PCDH15: variants seen among roughly 807,000 people sequenced by gnomAD.
PCDH15 encodes the protein protocadherin-15.
A neutral mutation model predicts 178.5 loss-of-function variants in PCDH15; 129 were observed. The observed-to-expected ratio is 0.72, with a 90% confidence interval of 0.63 to 0.84. PCDH15 has a LOEUF of 0.84. PCDH15 is among the 40% of genes least tolerant of loss of function. The pLI, the probability that PCDH15 is intolerant of heterozygous loss-of-function variation, is 0.00. For synonymous variants in PCDH15, 800 were observed against 732.0 expected (o/e 1.09, Z -1.50); for missense variants, 2,230 against 2,099.9 (o/e 1.06, Z -1.21).
chr10:54,919,905 G>T (rs73264075), intron 2 of PCDH15, among the ~76,000 whole-genome samples: 10,025 of 151,976 alleles, frequency 0.066, 1,073 homozygotes, highest in African/African-American at 0.22. Context: ...AAAAAAAAAG[G>T]CTCTGTAACA....
chr10:54,871,258 T>C lies in PCDH15; in HGVS notation c.-29+26192A>G, dbSNP rs565548540. Among the ~76,000 whole-genome samples the C allele has an allele frequency of 7.2e-5, 11 of 152,282 alleles. No homozygotes were observed. In the East Asian group the frequency reaches 2.1e-3, roughly 29 times the overall value. The stretch of plus-strand genomic sequence containing the variant: ...CCTGACAATAAGGAAAAAACTGCTA[T>C]TTCTGAATACTCTGGAACTCTCAGA... On this transcript the variant is annotated intron_variant, in intron 3 of 5. Coordinates refer to the PCDH15 transcript ENST00000458638.
intron 9 of PCDH15, among the ~76,000 whole-genome samples, chr10:54,219,766 ACT>A (rs1350340771): frequency 6.6e-6 from 1 of 151,848 alleles, no homozygotes; most frequent in Non-Finnish European, 1.5e-5. Context: ...GAAAATAAAC[ACT>A]GACTGATATT....
At chr10:54,112,638 G>A (rs890882974) in intron 15 of PCDH15, among the ~76,000 whole-genome samples, 5 of 152,092 alleles carry the variant, frequency 3.3e-5, no homozygotes, top group Non-Finnish European at 7.4e-5. Flanking sequence ...TGAGGATTTG[G>A]TTTTCAGGCA....
intron 2 of PCDH15, among the ~76,000 whole-genome samples, chr10:55,450,784 T>C (rs1432274864): frequency 6.6e-6 from 1 of 152,012 alleles, no homozygotes; most frequent in Non-Finnish European, 1.5e-5. Flanking sequence ...ACATCAATGC[T>C]ATTGACACTA....
At chr10:54,619,283 T>A (rs939838866) in intron 2 of PCDH15, 1 of 152,006 alleles carries the variant, frequency 6.6e-6, no homozygotes, top group South Asian at 2.1e-4. Flanking sequence ...TTCTCTCACA[T>A]GGCAGACTGG....
intron 25 of PCDH15, among the ~76,000 whole-genome samples, chr10:53,934,219 A>G (rs149091641): frequency 3.3e-5 from 5 of 152,218 alleles, no homozygotes; most frequent in Admixed American, 6.5e-5. Flanking sequence ...GAGGGATAGA[A>G]CTTTGGGTTC....
At chr10:54,343,300 A>G (rs1942605066) in intron 6 of PCDH15, among the ~76,000 whole-genome samples, 1 of 152,060 alleles carries the variant, frequency 6.6e-6, no homozygotes, top group East Asian at 1.9e-4. Flanking sequence ...GGGCATTCTC[A>G]TGAGGTCTGA....
chr10:55,465,075 C>T (rs1162025783), intron 2 of PCDH15, among the ~76,000 whole-genome samples: 1 of 151,914 alleles, frequency 6.6e-6, no homozygotes, highest in African/African-American at 2.4e-5. Flanking sequence ...CTTGGAAACA[C>T]AGATGTAAAG....
At chr10:55,162,498 C>T (rs1172580302) in intron 2 of PCDH15, among the ~76,000 whole-genome samples, 1 of 152,194 alleles carries the variant, frequency 6.6e-6, no homozygotes, top group Non-Finnish European at 1.5e-5. Context: ...TGAAAGAGAT[C>T]TGACCTAACC....
intron 18 of PCDH15, among the ~76,000 whole-genome samples, chr10:54,062,713 A>T (rs2094055623): frequency 1.3e-5 from 2 of 152,154 alleles, no homozygotes; most frequent in Admixed American, 1.3e-4. Context: ...TTTAAGAACC[A>T]GGAGACAACA....
intron 10 of PCDH15, among the ~76,000 whole-genome samples, chr10:54,196,202 G>C (rs1161185087): frequency 6.6e-6 from 1 of 151,950 alleles, no homozygotes; most frequent in Non-Finnish European, 1.5e-5. Flanking sequence ...GAGTGCAGTG[G>C]AGTGAACTCG....
chr10:54,771,613 C>T (rs1023573184), intron 1 of PCDH15, among the ~76,000 whole-genome samples: 3 of 151,792 alleles, frequency 2.0e-5, no homozygotes, highest in Admixed American at 6.6e-5. Context: ...AGTAGTAATT[C>T]CTCAAACTCC....
At chr10:54,420,031 A>T (rs908496540) in intron 3 of PCDH15, among the ~76,000 whole-genome samples, 4 of 152,060 alleles carry the variant, frequency 2.6e-5, no homozygotes, top group Admixed American at 2.6e-4. Flanking sequence ...ATAAAATAGA[A>T]TTTCACACAG....
chr10:54,759,909 T>C (rs562038215), intron 1 of PCDH15, among the ~76,000 whole-genome samples: 1 of 152,274 alleles, frequency 6.6e-6, no homozygotes, highest in African/African-American at 2.4e-5. Flanking sequence ...CAGTCTTGGG[T>C]TACAGGAGTG....
At chr10:54,681,875 A>C (rs1271074926) in intron 1 of PCDH15, among the ~76,000 whole-genome samples, 1 of 152,224 alleles carries the variant, frequency 6.6e-6, no homozygotes, top group Non-Finnish European at 1.5e-5. Context: ...ACACCTGCAC[A>C]GTAAGAGAAA....
intron 3 of PCDH15, among the ~76,000 whole-genome samples, chr10:54,868,471 T>C (rs953730232): frequency 1.3e-5 from 2 of 152,098 alleles, no homozygotes; most frequent in African/African-American, 4.8e-5. Context: ...AGCTATCCTC[T>C]CCTACAGATG....
chr10:54,853,362 CACACAT>C (rs1477317439), intron 3 of PCDH15, among the ~76,000 whole-genome samples: 1 of 121,448 alleles, frequency 8.2e-6, no homozygotes, highest in African/African-American at 3.4e-5. Context: ...TATATACACA[CACACAT>C]ATATATATAC....
intron 1 of PCDH15, among the ~76,000 whole-genome samples, chr10:54,675,545 G>A (rs1189014026): frequency 7.1e-6 from 1 of 139,866 alleles, no homozygotes; most frequent in African/African-American, 2.7e-5. Context: ...TTTATTTTTA[G>A]CTAGTTATTT....
intron 1 of PCDH15, among the ~76,000 whole-genome samples, chr10:55,228,186 T>C (rs144957885): frequency 1.5e-4 from 23 of 152,282 alleles, no homozygotes; most frequent in African/African-American, 5.1e-4. Context: ...GCATATCATG[T>C]ATCATGTTGC....
Sources: gnomAD v4.1 joint callset for allele counts (sites outside exome capture counted in the v4.1 genomes callset) on GRCh38, gnomAD v4.1.1 for gene constraint, MANE v1.5 for transcripts, NCBI Gene and HGNC (gene_info 2026-07-23, HGNC 2026-07-21) for gene names.